NAALADL2: variants seen among roughly 807,000 people sequenced by gnomAD.
NAALADL2 encodes the protein inactive N-acetylated-alpha-linked acidic dipeptidase-like protein 2.
Under a neutral mutation model 87.2 loss-of-function variants are expected in NAALADL2, and 76 were observed. The observed-to-expected ratio is 0.87, with a 90% CI of 0.72 to 1.05. NAALADL2 has a LOEUF of 1.05. Ranked by LOEUF, NAALADL2 falls within the 50% of genes least tolerant of loss-of-function variation. The probability of loss-of-function intolerance (pLI) is 0.00; values close to 1 mark genes in which losing one functional copy is unlikely to be tolerated. For synonymous variants in NAALADL2, 354 were observed against 331.0 expected (o/e 1.07, Z -0.75); for missense variants, 1,089 against 945.8 (o/e 1.15, Z -1.99).
chr3:175,490,358 A>G (rs1727877371), intron 9 of NAALADL2, among the ~76,000 whole-genome samples: 1 of 151,902 alleles, frequency 6.6e-6, no homozygotes, highest in Non-Finnish European at 1.5e-5. Context: ...CTCGCTTAAA[A>G]CATAAGTATC....
chr3:174,550,153 G>A (rs937260041), intron 1 of NAALADL2, among the ~76,000 whole-genome samples: 3 of 151,952 alleles, frequency 2.0e-5, no homozygotes, highest in Non-Finnish European at 2.9e-5. Flanking sequence ...TTTTAGTAGT[G>A]CCTTTTCTGT....
At chr3:175,618,864 G>A (rs770380546) in intron 10 of NAALADL2, among the ~76,000 whole-genome samples, 8 of 152,030 alleles carry the variant, frequency 5.3e-5, no homozygotes, top group Non-Finnish European at 1.0e-4. Flanking sequence ...TTTGGGTTCC[G>A]TATACCTCAT....
At chr3:175,562,606 C>T (rs1382159009) in intron 9 of NAALADL2, among the ~76,000 whole-genome samples, 1 of 151,436 alleles carries the variant, frequency 6.6e-6, no homozygotes, top group Non-Finnish European at 1.5e-5. Flanking sequence ...ATATCAATTT[C>T]TGTAATTATG....
intron 2 of NAALADL2, among the ~76,000 whole-genome samples, chr3:175,108,993 A>G (rs1017551487): frequency 6.6e-6 from 1 of 151,842 alleles, no homozygotes; most frequent in Non-Finnish European, 1.5e-5. Flanking sequence ...GCTGCTGGGT[A>G]TAACATGTGG....
chr3:174,610,470 A>G (rs1271585641), intron 2 of NAALADL2, among the ~76,000 whole-genome samples: 1 of 152,100 alleles, frequency 6.6e-6, no homozygotes, highest in Non-Finnish European at 1.5e-5. Context: ...AATTTACAAG[A>G]AAAAAACAAA....
At chr3:174,875,130 A>C (rs1305562538) in intron 1 of NAALADL2, among the ~76,000 whole-genome samples, 3 of 150,802 alleles carry the variant, frequency 2.0e-5, no homozygotes, top group Non-Finnish European at 4.4e-5. Context: ...AAAAAAAAAA[A>C]AAAAAAAAAA....
At chr3:175,126,930 G>A (rs1380462829) in intron 2 of NAALADL2, among the ~76,000 whole-genome samples, 2 of 149,078 alleles carry the variant, frequency 1.3e-5, no homozygotes, top group East Asian at 3.9e-4. Context: ...TTATTAAAGT[G>A]TCATGGTAAA....
intron 4 of NAALADL2, among the ~76,000 whole-genome samples, chr3:175,258,085 G>T (rs1456007780): frequency 6.6e-6 from 1 of 152,038 alleles, no homozygotes; most frequent in Non-Finnish European, 1.5e-5. Flanking sequence ...GAGGTGGGCA[G>T]AGCACGAGGT....
At chr3:175,581,426 C>T (rs1011846979) in intron 10 of NAALADL2, among the ~76,000 whole-genome samples, 3 of 152,150 alleles carry the variant, frequency 2.0e-5, no homozygotes. Flanking sequence ...TGGGGGACAG[C>T]GTGAGACTCT....
intron 2 of NAALADL2, among the ~76,000 whole-genome samples, chr3:175,221,758 GTTATTTATTTAT>G (rs58596469): frequency 2.0e-5 from 3 of 148,976 alleles, no homozygotes; most frequent in Non-Finnish European, 3.0e-5. Flanking sequence ...ATATTCAGTG[GTTATTTATTTAT>G]TTATTTATTT....
chr3:174,808,212 GA>G lies in NAALADL2; in HGVS notation c.-9+70469del, dbSNP rs933994901. On this transcript the variant is annotated intron_variant, in intron 3 of 3. Coordinates refer to the NAALADL2 transcript ENST00000434257. The stretch of plus-strand genomic sequence containing the variant: ...TTCACTATGAAGAGTTGATGCTTAG[GA>G]AATAATAAATAAAATATGAATTCCT... Among the ~76,000 whole-genome samples, 111 of 151,946 alleles carry G rather than the reference GA, an allele frequency of 7.3e-4. 7 individuals carry two copies. The highest frequency in any genetic ancestry group is 2.0e-4 in the Admixed American group (3 of 15,244).
chr3:175,060,862 A>G (rs969712386), intron 1 of NAALADL2, among the ~76,000 whole-genome samples: 1 of 152,176 alleles, frequency 6.6e-6, no homozygotes, highest in Non-Finnish European at 1.5e-5. Context: ...AGCCTGATCA[A>G]CATGGAGAAA....
chr3:175,181,916 A>G (rs1304645775), intron 2 of NAALADL2, among the ~76,000 whole-genome samples: 1 of 151,364 alleles, frequency 6.6e-6, no homozygotes, highest in Non-Finnish European at 1.5e-5. Context: ...ATATATACCT[A>G]GGATTGGGTT....
chr3:175,009,115 A>C (rs1052510944), intron 1 of NAALADL2, among the ~76,000 whole-genome samples: 6 of 152,154 alleles, frequency 3.9e-5, no homozygotes. Context: ...AGCTTATTAA[A>C]ATATAGCTTG....
chr3:174,536,848 C>G lies in NAALADL2; in HGVS notation c.-183-13721C>G, dbSNP rs534114639. Reference sequence around the variant, plus strand: ...TCACCTGGGGGAATTGTTTCCATTACAAAACATTGTAAAATTTTATAATAA... The same window carrying G: ...TCACCTGGGGGAATTGTTTCCATTAGAAAACATTGTAAAATTTTATAATAA... On this transcript the variant is annotated intron_variant, in intron 1 of 3. Coordinates refer to the NAALADL2 transcript ENST00000434257. 3.3e-5 allele frequency among the ~76,000 whole-genome samples: 5 copies of G among 152,210 alleles called. No individual in the cohort carries two copies. The South Asian group carries it at 1.0e-3, about 31-fold the overall frequency.
At chr3:174,693,488 A>G (rs1185354400) in intron 2 of NAALADL2, among the ~76,000 whole-genome samples, 1 of 152,170 alleles carries the variant, frequency 6.6e-6, no homozygotes, top group African/African-American at 2.4e-5. Flanking sequence ...ATCTATGACC[A>G]GAAAGCTAAT....
chr3:174,873,199 G>GTCTCTC (rs3884084), intron 1 of NAALADL2, among the ~76,000 whole-genome samples: 6,117 of 148,510 alleles, frequency 0.041, 428 homozygotes, highest in African/African-American at 0.14. Context: ...CTCTCTGTCT[G>GTCTCTC]TCTCTCTCTC....
chr3:174,755,900 C>T (rs1711992709), intron 3 of NAALADL2, among the ~76,000 whole-genome samples: 1 of 152,184 alleles, frequency 6.6e-6, no homozygotes, highest in Non-Finnish European at 1.5e-5. Flanking sequence ...TAGCTCTTTG[C>T]TTTTGCAATT....
chr3:174,702,357 A>AT (rs1405950923), intron 2 of NAALADL2, among the ~76,000 whole-genome samples: 2 of 152,082 alleles, frequency 1.3e-5, no homozygotes. Context: ...TCATTTATTT[A>AT]TTAATCTATC....
Sources: gnomAD v4.1 joint callset for allele counts (sites outside exome capture counted in the v4.1 genomes callset) on GRCh38, gnomAD v4.1.1 for gene constraint, MANE v1.5 for transcripts, NCBI Gene and HGNC (gene_info 2026-07-23, HGNC 2026-07-21) for gene names.